DDAH1: variants seen among roughly 807,000 people sequenced by gnomAD.
DDAH1 encodes the protein N(G),N(G)-dimethylarginine dimethylaminohydrolase 1.
DDAH1 carries 19 observed loss-of-function variants against 28.8 expected under a neutral mutation model. That is an observed-to-expected ratio of 0.66 (90% CI 0.46 to 0.97). DDAH1 has a LOEUF of 0.97. Among genes scored for constraint, DDAH1 ranks in the 50% least tolerant of loss-of-function variants. The pLI, the probability that DDAH1 is intolerant of heterozygous loss-of-function variation, is 0.00. For synonymous variants in DDAH1, 153 were observed against 154.4 expected (o/e 0.99, Z 0.07); for missense variants, 326 against 375.9 (o/e 0.87, Z 1.10).
intron 1 of DDAH1, among the ~76,000 whole-genome samples, chr1:85,513,009 T>G (rs1657302773): frequency 6.6e-6 from 1 of 152,102 alleles, no homozygotes; most frequent in African/African-American, 2.4e-5. Flanking sequence ...AATTTAAAGT[T>G]CATATGGAAC....
intron 1 of DDAH1, among the ~76,000 whole-genome samples, chr1:85,386,279 A>G (rs796740454): frequency 9.2e-5 from 14 of 152,324 alleles, no homozygotes; most frequent in African/African-American, 3.4e-4. Context: ...GAAGTTACTT[A>G]CAGCTGGGAG....
At chr1:85,470,720 G>C (rs1655586466) in intron 2 of DDAH1, among the ~76,000 whole-genome samples, 1 of 152,142 alleles carries the variant, frequency 6.6e-6, no homozygotes, top group Non-Finnish European at 1.5e-5. Context: ...TGGTTGAATG[G>C]GCAGGCAGTG....
chr1:85,575,125 G>A (rs1359102725), intron 1 of DDAH1, among the ~76,000 whole-genome samples: 1 of 152,132 alleles, frequency 6.6e-6, no homozygotes, highest in Non-Finnish European at 1.5e-5. Context: ...CAGCTACTCA[G>A]GAGGCTAAGG....
chr1:85,411,513 CAA>C lies in DDAH1; in HGVS notation c.304-52668_304-52667del, dbSNP rs567338199. ...TGTGCTGTCCTTCTGTCTTCTACAC[CAA>C]ATTGCATGAGCTCATCTGGGGGCAG... On this transcript the variant is annotated intron_variant, in intron 1 of 5. Coordinates refer to ENST00000284031, the MANE Select transcript of DDAH1 (RefSeq NM_012137.4). Among the ~76,000 whole-genome samples the C allele has an allele frequency of 1.9e-4, 29 of 152,248 alleles. No individual in the cohort carries two copies. In the South Asian group the frequency reaches 6.0e-3, roughly 32 times the overall value.
intron 1 of DDAH1, among the ~76,000 whole-genome samples, chr1:85,409,471 A>G (rs1391686251): frequency 2.0e-5 from 3 of 152,048 alleles, no homozygotes; most frequent in Non-Finnish European, 4.4e-5. Context: ...TAACTTCCCA[A>G]TTTTTCTCCT....
intron 3 of DDAH1, 104 bp downstream of exon 3, chr1:85,351,402 G>C: frequency 1.1e-6 from 1 of 880,856 alleles, no homozygotes; most frequent in Non-Finnish European, 1.8e-6. Flanking sequence ...ATTGTACAAA[G>C]CCAGTGAAGC....
intron 1 of DDAH1, among the ~76,000 whole-genome samples, chr1:85,429,783 G>A (rs965736276): frequency 3.9e-5 from 6 of 152,110 alleles, no homozygotes; most frequent in African/African-American, 1.4e-4. Context: ...TTTTTCATAT[G>A]TGTGTTGGTC....
At chr1:85,414,565 T>C (rs1422038485) in intron 1 of DDAH1, among the ~76,000 whole-genome samples, 1 of 152,116 alleles carries the variant, frequency 6.6e-6, no homozygotes, top group African/African-American at 2.4e-5. Flanking sequence ...AGAATTCCTC[T>C]GAAAAAGAGA....
intron 1 of DDAH1, among the ~76,000 whole-genome samples, chr1:85,436,200 G>T (rs1653935804): frequency 6.6e-6 from 1 of 151,964 alleles, no homozygotes; most frequent in Admixed American, 6.6e-5. Flanking sequence ...TATTAGGCCA[G>T]GCATGGTGGC....
At chr1:85,372,803 T>C (rs1412887456) in intron 1 of DDAH1, among the ~76,000 whole-genome samples, 3 of 152,110 alleles carry the variant, frequency 2.0e-5, no homozygotes, top group African/African-American at 7.2e-5. Flanking sequence ...ATAAATGTCA[T>C]TGCCCCCTAT....
intron 1 of DDAH1, among the ~76,000 whole-genome samples, chr1:85,437,255 G>A (rs1653982703): frequency 6.6e-6 from 1 of 152,166 alleles, no homozygotes; most frequent in Non-Finnish European, 1.5e-5. Context: ...AGAGAGGCCT[G>A]TGGAGCCTCA....
intron 1 of DDAH1, among the ~76,000 whole-genome samples, chr1:85,573,563 G>A (rs1659517634): frequency 1.3e-5 from 2 of 152,202 alleles, no homozygotes; most frequent in South Asian, 4.1e-4. Context: ...AGGAATGCTG[G>A]CTTCCTGTGG....
intron 1 of DDAH1, among the ~76,000 whole-genome samples, chr1:85,436,325 T>C (rs576022536): frequency 6.6e-6 from 1 of 152,286 alleles, no homozygotes; most frequent in South Asian, 2.1e-4. Context: ...TGCTTTTGTA[T>C]TGATCATTGA....
chr1:85,402,916 A>C (rs1652213537), intron 1 of DDAH1, among the ~76,000 whole-genome samples: 1 of 151,938 alleles, frequency 6.6e-6, no homozygotes, highest in African/African-American at 2.4e-5. Flanking sequence ...CTCAAAAAAA[A>C]AAAAAAAAAA....
chr1:85,337,336 A>T (rs1648195488), intron 4 of DDAH1, among the ~76,000 whole-genome samples: 1 of 152,230 alleles, frequency 6.6e-6, no homozygotes, highest in African/African-American at 2.4e-5. Context: ...CTCGTAAAAA[A>T]TTCAAATATG....
intron 2 of DDAH1, among the ~76,000 whole-genome samples, chr1:85,356,366 A>G (rs747364260): frequency 6.6e-6 from 1 of 152,206 alleles, no homozygotes; most frequent in Non-Finnish European, 1.5e-5. Flanking sequence ...ATAAATTATT[A>G]ATGAGGCTTT....
chr1:85,321,440 G>A lies in DDAH1; in HGVS notation c.*12C>T. ...GTGCGGTCTTGCCGGCTACCGGGGG[G>A]GACTCTGCAGCTCAGGAGTCTACTT... On this transcript the variant is annotated 3_prime_UTR_variant, in exon 6 of 6. Transcript: ENST00000284031. 2 of 1,586,362 alleles carry A rather than the reference G, an allele frequency of 1.3e-6. No individual in the cohort carries two copies. Among genetic ancestry groups the A allele is most frequent in the Non-Finnish European group, 8.7e-7 (1 of 1,154,948 alleles).
intron 1 of DDAH1, among the ~76,000 whole-genome samples, chr1:85,420,981 AT>A (rs1464372180): frequency 1.7e-4 from 26 of 152,226 alleles, no homozygotes; most frequent in Admixed American, 4.6e-4. Flanking sequence ...GCTTCCAATC[AT>A]GGCGGAAGGT....
intron 1 of DDAH1, among the ~76,000 whole-genome samples, chr1:85,510,687 A>G (rs1657194185): frequency 6.6e-6 from 1 of 152,214 alleles, no homozygotes; most frequent in Non-Finnish European, 1.5e-5. Flanking sequence ...AAAAAAAAGC[A>G]GGGGTTGCAA....
Sources: allele counts gnomAD v4.1 joint callset (sites outside exome capture counted in the v4.1 genomes callset), GRCh38; gene constraint gnomAD v4.1.1; transcripts MANE v1.5; gene names NCBI Gene and HGNC (gene_info 2026-07-23, HGNC 2026-07-21).